ANKRD6: variants seen among roughly 807,000 people sequenced by gnomAD.
ANKRD6 encodes ankyrin repeat domain 6.
A neutral mutation model predicts 82.3 loss-of-function variants in ANKRD6; 56 were observed. The ratio of observed to expected loss-of-function variants is 0.68; its 90% CI spans 0.55 to 0.85. ANKRD6 has a LOEUF of 0.85. Among genes scored for constraint, ANKRD6 ranks in the 40% least tolerant of loss-of-function variants. The pLI is 0.00. For missense variants in ANKRD6, 852 were observed against 907.6 expected (o/e 0.94, Z 0.79); for synonymous variants, 347 against 352.1 (o/e 0.99, Z 0.16).
At chr6:89,440,382 T>C (rs375081362) in intron 1 of ANKRD6, among the ~76,000 whole-genome samples, 29 of 152,330 alleles carry the variant, frequency 1.9e-4, no homozygotes, top group African/African-American at 5.3e-4. Flanking sequence ...CAGTTTGTTA[T>C]GTAGATGCCT....
chr6:89,605,330 T>C (rs7764335), intron 4 of ANKRD6, among the ~76,000 whole-genome samples: 100,300 of 152,068 alleles, frequency 0.66, 35,483 homozygotes, highest in Non-Finnish European at 0.79. Context: ...GGCAGTGAGC[T>C]GAGATCACAC....
intron 2 of ANKRD6, among the ~76,000 whole-genome samples, chr6:89,594,029 G>T (rs186896576): frequency 1.5e-3 from 227 of 152,330 alleles, no homozygotes; most frequent in African/African-American, 5.2e-3. Flanking sequence ...CAACCTCCTG[G>T]CATTAGCCTG....
At chr6:89,592,246 G>T (rs1282670715) in intron 2 of ANKRD6, among the ~76,000 whole-genome samples, 1 of 152,232 alleles carries the variant, frequency 6.6e-6, no homozygotes, top group Non-Finnish European at 1.5e-5. Flanking sequence ...GAAGGCAAAG[G>T]TGTAGGGTGT....
At chr6:89,566,460 C>A (rs1004909253) in intron 1 of ANKRD6, among the ~76,000 whole-genome samples, 1 of 152,162 alleles carries the variant, frequency 6.6e-6, no homozygotes, top group Non-Finnish European at 1.5e-5. Flanking sequence ...AACCAGGGGG[C>A]CTTTGATGAT....
intron 1 of ANKRD6, among the ~76,000 whole-genome samples, chr6:89,531,079 A>G (rs947945768): frequency 2.0e-5 from 3 of 152,216 alleles, no homozygotes; most frequent in Non-Finnish European, 4.4e-5. Context: ...ATGATAAATC[A>G]TTGTGGCTGC....
chr6:89,605,007 A>G (rs965398626), intron 4 of ANKRD6, among the ~76,000 whole-genome samples: 20 of 151,216 alleles, frequency 1.3e-4, no homozygotes, highest in Admixed American at 2.0e-4. Context: ...ACCCCACTCA[A>G]TTCATTGCAC....
chr6:89,580,772 T>A (rs1020306077), intron 2 of ANKRD6, among the ~76,000 whole-genome samples: 2 of 152,216 alleles, frequency 1.3e-5, no homozygotes, highest in African/African-American at 4.8e-5. Context: ...ATGTTAGGAC[T>A]TACCAGAATG....
intron 1 of ANKRD6, among the ~76,000 whole-genome samples, chr6:89,550,809 A>G (rs1206446433): frequency 6.6e-6 from 1 of 152,146 alleles, no homozygotes; most frequent in African/African-American, 2.4e-5. Context: ...TTCAAAAATT[A>G]GCAGGGCATG....
At chr6:89,624,833 G>T in intron 13 of ANKRD6, 142 bp downstream of exon 13, 1 of 891,340 alleles carries the variant, frequency 1.1e-6, no homozygotes, top group Non-Finnish European at 1.6e-6. Context: ...CTGCTTATGT[G>T]ATTTTGTTAA....
At chr6:89,495,415 A>G (rs1778492550) in intron 1 of ANKRD6, among the ~76,000 whole-genome samples, 2 of 152,162 alleles carry the variant, frequency 1.3e-5, no homozygotes, top group African/African-American at 4.8e-5. Flanking sequence ...TCAGACCCCA[A>G]GTTGACCTAA....
intron 1 of ANKRD6, among the ~76,000 whole-genome samples, chr6:89,566,129 G>A (rs1015534012): frequency 2.0e-5 from 3 of 152,196 alleles, no homozygotes; most frequent in Non-Finnish European, 4.4e-5. Context: ...CCTCCTGTTA[G>A]CAAGGAAGCA....
At chr6:89,619,316 G>A (rs577542961) in intron 9 of ANKRD6, among the ~76,000 whole-genome samples, 3 of 152,272 alleles carry the variant, frequency 2.0e-5, no homozygotes, top group African/African-American at 4.8e-5. Flanking sequence ...ATGAAGTGCT[G>A]TATAAACGTC....
rs538963406 is a variant in ANKRD6, at chr6:89,631,776, A to T, written c.*772A>T. The T allele has an allele frequency of 1.3e-5, 2 of 152,222 alleles. No individual in the cohort carries two copies. The highest frequency in any genetic ancestry group is 4.8e-5 in the African/African-American group (2 of 41,462). The allele number at this position is 152,222 out of a possible 1,614,324, so 9.4% of individuals were successfully genotyped here. ...TTAATGGAAAAAAATTCATGTAACAATTACCTGAAAATTTATAACCTATTC... is the reference window on the plus strand; with the variant it reads ...TTAATGGAAAAAAATTCATGTAACATTTACCTGAAAATTTATAACCTATTC... On this transcript the variant is annotated 3_prime_UTR_variant, in exon 16 of 16. Transcript: ENST00000339746.
chr6:89,507,870 CATTTT>C (rs1310045938), intron 1 of ANKRD6, among the ~76,000 whole-genome samples: 1 of 152,116 alleles, frequency 6.6e-6, no homozygotes, highest in Middle Eastern at 3.2e-3. Flanking sequence ...TCTTTCAAAT[CATTTT>C]ATTTTATTGT....
Position 89,603,121 on chromosome 6 carries a change from A to T in ANKRD6, c.312A>T (p.Gln104His), listed in dbSNP as rs1163280852. ...ACGAAGGGTGTGCCCTGGACAGACAAGACAAGGTGAGTGGACACTGAGCTT... is the reference window on the plus strand; with the variant it reads ...ACGAAGGGTGTGCCCTGGACAGACATGACAAGGTGAGTGGACACTGAGCTT... ...LIHEGCALDR[Q>H]DKDGNTALHE... Residue 104 changes from glutamine to histidine, a missense_variant, in exon 4 of 16, where the codon CAA becomes CAT. By Grantham distance (24) the Gln-to-His change is conservative. Transcript: ENST00000339746. 6.2e-7 allele frequency: 1 copy of T among 1,600,616 alleles called. No homozygotes were observed. Among genetic ancestry groups the T allele is most frequent in the Non-Finnish European group, 8.5e-7 (1 of 1,174,110 alleles).
At chr6:89,542,289 C>T (rs894283335) in intron 1 of ANKRD6, among the ~76,000 whole-genome samples, 1 of 152,126 alleles carries the variant, frequency 6.6e-6, no homozygotes, top group Non-Finnish European at 1.5e-5. Context: ...ACTGACGTTA[C>T]GTACTTTTAG....
At chr6:89,595,382 C>T (rs776676815) in intron 2 of ANKRD6, among the ~76,000 whole-genome samples, 5 of 151,602 alleles carry the variant, frequency 3.3e-5, no homozygotes, top group Admixed American at 1.3e-4. Context: ...GCCGAGATGG[C>T]GTCGCTGCAC....
chr6:89,615,162 T>TA (rs5878103), intron 7 of ANKRD6, among the ~76,000 whole-genome samples: 99,894 of 149,248 alleles, frequency 0.67, 33,527 homozygotes, highest in East Asian at 0.9. Context: ...AAATCTTAAC[T>TA]AAAAAAAAAA....
At chr6:89,548,617 C>T (rs760063976) in intron 1 of ANKRD6, among the ~76,000 whole-genome samples, 4 of 152,188 alleles carry the variant, frequency 2.6e-5, no homozygotes, top group Admixed American at 6.5e-5. Context: ...CCTGAGTCTT[C>T]TCAAGGTATG....
Sources: gnomAD v4.1 joint callset for allele counts (sites outside exome capture counted in the v4.1 genomes callset) on GRCh38, gnomAD v4.1.1 for gene constraint, MANE v1.5 for transcripts, NCBI Gene and HGNC (gene_info 2026-07-23, HGNC 2026-07-21) for gene names.